Variants in KIF5C observed in about 807,000 individuals in gnomAD.
The protein encoded by KIF5C is kinesin family member 5C.
In KIF5C, 18 loss-of-function variants were observed where a neutral mutation model predicts 125.2. That is an observed-to-expected ratio of 0.14 (90% CI 0.10 to 0.21). The LOEUF (loss-of-function observed/expected upper bound fraction) is 0.21, where lower values mean the gene tolerates loss of function less well. Among genes scored for constraint, KIF5C ranks in the 10% least tolerant of loss-of-function variants. The probability of loss-of-function intolerance (pLI) is 1.00; values close to 1 mark genes in which losing one functional copy is unlikely to be tolerated. For synonymous variants in KIF5C, 405 were observed against 434.0 expected, an observed-to-expected ratio of 0.93 and a Z score of 0.83; for missense variants, 780 against 1,183.8, an observed-to-expected ratio of 0.66 and a Z score of 5.01.
chr2:148,936,486 A>G (rs1228709476), intron 3 of KIF5C, among the ~76,000 whole-genome samples: 1 of 152,208 alleles, frequency 6.6e-6, no homozygotes, highest in Non-Finnish European at 1.5e-5. Flanking sequence ...GGAAGTCTTC[A>G]TTAGGAGTTG....
At chr2:148,998,739 T>C in intron 19 of KIF5C, 1 of 583,768 alleles carries the variant, frequency 1.7e-6, no homozygotes, top group East Asian at 3.3e-5. Context: ...CAGCTGCCTC[T>C]CCTAGTCCCC....
chr2:148,925,607 T>G, intron 2 of KIF5C, among the ~76,000 whole-genome samples: 1 of 152,340 alleles, frequency 6.6e-6, no homozygotes, highest in African/African-American at 2.4e-5. Flanking sequence ...AAGCCTGGGC[T>G]TGTCAGACTG....
intron 15 of KIF5C, among the ~76,000 whole-genome samples, chr2:148,990,456 T>C (rs1475531685): frequency 6.6e-6 from 1 of 152,196 alleles, no homozygotes; most frequent in African/African-American, 2.4e-5. Context: ...CATAGTACAT[T>C]CTTATTTATT....
chr2:148,941,994 T>A lies in KIF5C; in HGVS notation c.501+4T>A. On this transcript the variant is annotated splice_donor_region_variant and intron_variant, in intron 6 of 25. Coordinates refer to ENST00000435030, the MANE Select transcript of KIF5C (RefSeq NM_004522.3). ...AAACAGAGTCCCGTATGTAAAGGTA[T>A]GAGGAAGATTTGATTGGTGATGCAA... The A allele has an allele frequency of 6.2e-7, 1 of 1,610,306 alleles. No individual in the cohort carries two copies. The highest frequency in any genetic ancestry group is 1.1e-5 in the South Asian group (1 of 89,240).
At chr2:148,894,351 T>A (rs1332095478) in intron 1 of KIF5C, among the ~76,000 whole-genome samples, 3 of 152,206 alleles carry the variant, frequency 2.0e-5, no homozygotes, top group Non-Finnish European at 4.4e-5. Flanking sequence ...TTTCTCTTTT[T>A]GCAACTTGCT....
intron 23 of KIF5C, among the ~76,000 whole-genome samples, chr2:149,009,028 CG>C (rs1337789055): frequency 1.9e-4 from 26 of 133,364 alleles, no homozygotes; most frequent in African/African-American, 7.3e-4. Flanking sequence ...CTTGCTCTGT[CG>C]CCCAGGCTGG....
intron 16 of KIF5C, 104 bp downstream of exon 16, chr2:148,991,302 C>T: frequency 6.9e-7 from 1 of 1,457,172 alleles, no homozygotes; most frequent in Non-Finnish European, 9.0e-7. Flanking sequence ...AGTTGAGGGA[C>T]TGCTTTGTGT....
At chr2:148,959,998 C>T (rs1204021985) in intron 10 of KIF5C, among the ~76,000 whole-genome samples, 3 of 152,228 alleles carry the variant, frequency 2.0e-5, no homozygotes, top group Non-Finnish European at 4.4e-5. Flanking sequence ...GTGGGTACCA[C>T]ATTAACCCTT....
intron 6 of KIF5C, 74 bp from the exon 7 acceptor site, chr2:148,942,599 A>G: frequency 6.5e-7 from 1 of 1,545,046 alleles, no homozygotes; most frequent in Non-Finnish European, 8.8e-7. Context: ...ATAAACAGGA[A>G]AATGTTTCAG....
Position 149,010,270 on chromosome 2 carries a change from C to T in KIF5C, c.2686C>T (p.Arg896Cys), listed in dbSNP as rs1001093203. Residue 896 changes from arginine to cysteine, a missense_variant, in exon 24 of 26, where the codon CGC becomes TGC. Physicochemically the swap from Arg to Cys is radical, Grantham distance 180. Coordinates refer to ENST00000435030, the MANE Select transcript of KIF5C (RefSeq NM_004522.3). ...GGAGAACGCCATGCGGGACCGTAAG[C>T]GCTACCAGCAGGAGGTGGATCGTAT... ...AKENAMRDRK[R>C]YQQEVDRIKE... 6.3e-7 allele frequency: 1 copy of T among 1,594,818 alleles called. No homozygotes were observed. The highest frequency in any genetic ancestry group is 8.5e-7 in the Non-Finnish European group (1 of 1,171,040).
intron 22 of KIF5C, among the ~76,000 whole-genome samples, chr2:149,006,613 C>T (rs1019873010): frequency 6.6e-6 from 1 of 152,198 alleles, no homozygotes; most frequent in African/African-American, 2.4e-5. Context: ...GAAGCATGGG[C>T]TTGGCGTGGC....
intron 1 of KIF5C, among the ~76,000 whole-genome samples, chr2:148,882,697 A>C (rs1681401147): frequency 1.3e-5 from 2 of 152,100 alleles, no homozygotes; most frequent in South Asian, 4.1e-4. Flanking sequence ...ATTCGCCTTT[A>C]GACTCTCAGC....
intron 25 of KIF5C, among the ~76,000 whole-genome samples, chr2:149,012,315 A>G (rs73011363): frequency 0.046 from 6,942 of 152,308 alleles, 396 homozygotes; most frequent in African/African-American, 0.13. Context: ...GAAAACTGTC[A>G]TCCTGATGGA....
At chr2:149,015,780 T>C (rs1446802195) in intron 25 of KIF5C, among the ~76,000 whole-genome samples, 1 of 152,230 alleles carries the variant, frequency 6.6e-6, no homozygotes, top group Admixed American at 6.5e-5. Context: ...TTGATTTCTG[T>C]CAGCTTTAGG....
At chr2:149,021,217 C>T (rs1318219595) in intron 25 of KIF5C, among the ~76,000 whole-genome samples, 1 of 152,100 alleles carries the variant, frequency 6.6e-6, no homozygotes, top group East Asian at 1.9e-4. Context: ...TACAAGCCAC[C>T]ATGCCGGGCT....
chr2:148,888,287 C>T (rs963861319), intron 1 of KIF5C: 1 of 152,242 alleles, frequency 6.6e-6, no homozygotes. Context: ...TGCCACTTAC[C>T]TTCTGTCACC....
In KIF5C at chr2:148,973,477, A is replaced by C; in HGVS notation, c.1259A>C (p.Glu420Ala). Residue 420 changes from glutamate (E) to alanine (A), a missense_variant, in exon 12 of 26, where the codon GAG (glutamate) becomes GCG (alanine). Glu to Ala is a moderately radical substitution (Grantham distance 107). Coordinates refer to ENST00000435030, the MANE Select transcript of KIF5C (RefSeq NM_004522.3). ...GAGGAGAAAGAGAAGTACGATGAGG[A>C]GATCTCCAGTCTCTACAGACAACTG... ...STEEKEKYDE[E>A]ISSLYRQLDD... is the part of the protein sequence containing the mutation. 6.2e-7 allele frequency: 1 copy of C among 1,612,964 alleles called. No homozygotes were observed. Among genetic ancestry groups the C allele is most frequent in the Non-Finnish European group, 8.5e-7 (1 of 1,179,476 alleles).
intron 1 of KIF5C, among the ~76,000 whole-genome samples, chr2:148,914,209 C>T (rs1269024417): frequency 6.6e-6 from 1 of 152,202 alleles, no homozygotes; most frequent in Non-Finnish European, 1.5e-5. Context: ...ACTTTTCCTC[C>T]TACCCCCTGT....
intron 1 of KIF5C, among the ~76,000 whole-genome samples, chr2:148,918,546 G>A (rs1387334490): frequency 6.6e-6 from 1 of 152,196 alleles, no homozygotes; most frequent in Non-Finnish European, 1.5e-5. Flanking sequence ...AATTTGAATT[G>A]AGTTCTAAAG....
Sources: allele counts gnomAD v4.1 joint callset (sites outside exome capture counted in the v4.1 genomes callset), GRCh38; gene constraint gnomAD v4.1.1; transcripts MANE v1.5; gene names NCBI Gene and HGNC (gene_info 2026-07-23, HGNC 2026-07-21).